The following BABAM2 variants were observed in gnomAD, a reference collection of about 807,000 sequenced individuals.
The protein encoded by BABAM2 is BRISC and BRCA1-A complex member 2.
BABAM2 carries 31 observed loss-of-function variants against 54.7 expected under a neutral mutation model. The ratio of observed to expected loss-of-function variants is 0.57; its 90% CI spans 0.43 to 0.77. The LOEUF (loss-of-function observed/expected upper bound fraction) is 0.77. Ranked by LOEUF, BABAM2 falls within the 30% of genes least tolerant of loss-of-function variation. BABAM2 has a pLI of 0.00. For synonymous variants in BABAM2, 167 were observed against 162.9 expected, an observed-to-expected ratio of 1.03 and a Z score of -0.19; for missense variants, 364 against 455.8, an observed-to-expected ratio of 0.80 and a Z score of 1.83.
intron 7 of BABAM2, among the ~76,000 whole-genome samples, chr2:28,163,540 T>C (rs1478253182): frequency 2.0e-5 from 3 of 152,058 alleles, no homozygotes; most frequent in Admixed American, 6.6e-5. Context: ...CTGCCAGATA[T>C]CTAATAGAAT....
intron 7 of BABAM2, among the ~76,000 whole-genome samples, chr2:28,223,760 G>A (rs954580619): frequency 6.6e-6 from 1 of 152,176 alleles, no homozygotes; most frequent in African/African-American, 2.4e-5. Context: ...CCTTCTGTAT[G>A]GTTGAAACAG....
chr2:27,889,444 G>A (rs1473687887), upstream of BABAM2, among the ~76,000 whole-genome samples: 1 of 152,026 alleles, frequency 6.6e-6, no homozygotes, highest in African/African-American at 2.4e-5. Flanking sequence ...TAATTGGAGT[G>A]GTAGGATTTT....
At chr2:27,972,177 T>A (rs1286061074) in intron 3 of BABAM2, among the ~76,000 whole-genome samples, 1 of 152,202 alleles carries the variant, frequency 6.6e-6, no homozygotes, top group East Asian at 1.9e-4. Context: ...GAAAATTGTC[T>A]TATTATTAAC....
At chr2:28,028,397 C>T (rs866169657) in intron 5 of BABAM2, among the ~76,000 whole-genome samples, 9 of 151,972 alleles carry the variant, frequency 5.9e-5, no homozygotes, top group African/African-American at 1.5e-4. Flanking sequence ...ACACCTACAC[C>T]CCCCGCCCCT....
intron 2 of BABAM2, among the ~76,000 whole-genome samples, chr2:27,918,490 A>G (rs147984363): frequency 7.2e-4 from 110 of 152,204 alleles, no homozygotes; most frequent in African/African-American, 2.5e-3. Flanking sequence ...TTGTATATAT[A>G]TATAATGTAT....
chr2:28,222,252 G>T (rs914769498), intron 7 of BABAM2, among the ~76,000 whole-genome samples: 1 of 152,138 alleles, frequency 6.6e-6, no homozygotes, highest in African/African-American at 2.4e-5. Flanking sequence ...AGAGTGTCTT[G>T]AACTGAATCC....
At chr2:28,327,346 C>T in intron 11 of BABAM2, 1 of 1,613,944 alleles carries the variant, frequency 6.2e-7, no homozygotes, top group Non-Finnish European at 8.5e-7. Context: ...CAAAAACTGG[C>T]TGCAAGCTGC....
chr2:27,890,195 GCATAGCGCAC>G, upstream of BABAM2: 1 of 1,510,880 alleles, frequency 6.6e-7, no homozygotes, highest in South Asian at 1.1e-5. This position sits in a 1 kb window ranked among gnomAD's most constrained non-coding sequence, Gnocchi z 4.8. Context: ...TCCACTGGGC[GCATAGCGCAC>G]GGCACGCCTC....
chr2:28,199,849 G>A (rs1490020286), intron 7 of BABAM2, among the ~76,000 whole-genome samples: 1 of 152,166 alleles, frequency 6.6e-6, no homozygotes, highest in African/African-American at 2.4e-5. Context: ...TGGACCCTAA[G>A]ACCTAAACAA....
intron 1 of BABAM2, among the ~76,000 whole-genome samples, chr2:27,891,971 CA>C (rs1188947394): frequency 6.6e-6 from 1 of 152,052 alleles, no homozygotes; most frequent in Non-Finnish European, 1.5e-5. Flanking sequence ...AGCAATAGTC[CA>C]GTTTGTTTTT....
rs190078040 is a variant in BABAM2 at position 28,101,241 on chromosome 2, T to G, written c.571-28030T>G. On this transcript the variant is annotated intron_variant, in intron 6 of 11. Coordinates refer to ENST00000379624, the MANE Select transcript of BABAM2 (RefSeq NM_199191.3). The stretch of plus-strand genomic sequence containing the variant: ...TGTCTAACTCCAAAGTCTGTGATCT[T>G]TCTACTCTACCATATTGCCTGATAT... Among the ~76,000 whole-genome samples, 217 of 152,290 alleles carry G rather than the reference T, an allele frequency of 1.4e-3. 1 individual carries two copies. Among genetic ancestry groups the G allele is most frequent in the Non-Finnish European group, 2.7e-3 (183 of 68,012 alleles).
intron 2 of BABAM2, among the ~76,000 whole-genome samples, chr2:27,908,787 CCTT>C (rs1666372173): frequency 6.6e-6 from 1 of 152,126 alleles, no homozygotes; most frequent in African/African-American, 2.4e-5. Flanking sequence ...GATGTGATTT[CCTT>C]CTTTTTTTAT....
intron 2 of BABAM2, chr2:27,897,160 GGGTGTTAGCAGT>G (rs1488251894): frequency 6.6e-6 from 1 of 152,490 alleles, no homozygotes; most frequent in African/African-American, 2.4e-5. Flanking sequence ...GGGTTTGGAG[GGGTGTTAGCAGT>G]GGTGGCAGCA....
intron 7 of BABAM2, among the ~76,000 whole-genome samples, chr2:28,235,350 T>G (rs926848914): frequency 4.6e-5 from 7 of 152,064 alleles, no homozygotes; most frequent in African/African-American, 1.7e-4. Context: ...CTAATTTTTC[T>G]ATTTTTAGTA....
upstream of BABAM2, chr2:27,890,401 C>T: frequency 1.2e-5 from 19 of 1,533,872 alleles, no homozygotes; most frequent in Non-Finnish European, 1.7e-5. This position sits in a 1 kb window ranked among gnomAD's most constrained non-coding sequence, Gnocchi z 4.8. Flanking sequence ...TTGCCCGACC[C>T]CGTAACCAGA....
intron 10 of BABAM2, among the ~76,000 whole-genome samples, chr2:28,294,973 A>G (rs555761500): frequency 6.6e-6 from 1 of 152,294 alleles, no homozygotes; most frequent in South Asian, 2.1e-4. Context: ...AATGTAATCA[A>G]TGCTTTTTGG....
chr2:28,061,974 G>A (rs1241418760), intron 6 of BABAM2, among the ~76,000 whole-genome samples: 1 of 151,840 alleles, frequency 6.6e-6, no homozygotes, highest in Non-Finnish European at 1.5e-5. Flanking sequence ...TTCCAGGATT[G>A]TTGGCCAGGT....
At chr2:28,026,822 T>TTATATATATATA (rs1221328543) in intron 5 of BABAM2, among the ~76,000 whole-genome samples, 1 of 77,208 alleles carries the variant, frequency 1.3e-5, no homozygotes, top group South Asian at 3.2e-4. Context: ...AAATATATAT[T>TTATATATATATA]TATATATATA....
Position 27,987,116 on chromosome 2 carries a change from A to G in BABAM2, c.206-877A>G, listed in dbSNP as rs752144469. ...CATGCCATCTCTTTTTATCGTCACA[A>G]TAAATCTGTGACATTAGTACTATTA... On this transcript the variant is annotated intron_variant, in intron 3 of 11. Transcript: ENST00000379624. Among the ~76,000 whole-genome samples the G allele has an allele frequency of 5.3e-5, 8 of 152,188 alleles. No homozygotes were observed. In the South Asian group the frequency reaches 6.2e-4, roughly 12 times the overall value.
Sources: gnomAD v4.1 joint callset for allele counts (sites outside exome capture counted in the v4.1 genomes callset) on GRCh38, gnomAD v4.1.1 for gene constraint, Gnocchi (gnomAD v3.1) non-coding constraint, MANE v1.5 for transcripts, NCBI Gene and HGNC (gene_info 2026-07-23, HGNC 2026-07-21) for gene names.